The following ACBD6 variants were observed in gnomAD, a reference collection of about 807,000 sequenced individuals.
The protein encoded by ACBD6 is acyl-CoA-binding domain-containing protein 6.
ACBD6 carries 28 observed loss-of-function variants against 37.2 expected under a neutral mutation model. That is an observed-to-expected ratio of 0.75 (90% CI 0.56 to 1.03). The LOEUF (loss-of-function observed/expected upper bound fraction) is 1.03. Ranked by LOEUF, ACBD6 falls within the 50% of genes least tolerant of loss-of-function variation. ACBD6 has a pLI of 0.00. For missense variants in ACBD6, 340 were observed against 337.4 expected (o/e 1.01, Z -0.06); for synonymous variants, 113 against 126.8 (o/e 0.89, Z 0.73).
chr1:180,270,150 C>G (rs1383714870), exon 14 of ACBD6: 2 of 152,238 alleles, frequency 1.3e-5, no homozygotes, highest in Non-Finnish European at 2.9e-5. Flanking sequence ...AACACTGAAG[C>G]CAGGTCTGCT....
At chr1:180,358,003 G>A (rs1336450564) in intron 6 of ACBD6, among the ~76,000 whole-genome samples, 1 of 152,194 alleles carries the variant, frequency 6.6e-6, no homozygotes, top group Non-Finnish European at 1.5e-5. Flanking sequence ...CAGGGATAAA[G>A]TTGCCTAACA....
intron 12 of ACBD6, chr1:180,273,060 T>C (rs1648787739): frequency 6.6e-6 from 1 of 152,198 alleles, no homozygotes; most frequent in Non-Finnish European, 1.5e-5. Context: ...CCCCCCACCA[T>C]GTTTTTTCAT....
chr1:180,333,528 G>C (rs1191468310), intron 6 of ACBD6, among the ~76,000 whole-genome samples: 2 of 152,188 alleles, frequency 1.3e-5, no homozygotes, highest in Non-Finnish European at 2.9e-5. Context: ...ATATTTATCT[G>C]CAAGGATGTT....
intron 6 of ACBD6, among the ~76,000 whole-genome samples, chr1:180,381,016 G>C (rs887194383): frequency 6.6e-6 from 1 of 151,972 alleles, no homozygotes; most frequent in Admixed American, 6.6e-5. Context: ...AATATGAGAG[G>C]ATGAAAAAGA....
At chr1:180,474,564 G>C (rs1022781001) in intron 3 of ACBD6, among the ~76,000 whole-genome samples, 1 of 152,142 alleles carries the variant, frequency 6.6e-6, no homozygotes, top group Non-Finnish European at 1.5e-5. Flanking sequence ...CTGGCTATGG[G>C]CTGGGTTACT....
At chr1:180,432,358 TA>T (rs894145624) in intron 3 of ACBD6, among the ~76,000 whole-genome samples, 74 of 152,196 alleles carry the variant, frequency 4.9e-4, no homozygotes, top group African/African-American at 1.7e-3. Context: ...ACTTATCTAA[TA>T]AAAGACTGGT....
At chr1:180,481,857 T>C (rs1275420636) in intron 3 of ACBD6, among the ~76,000 whole-genome samples, 1 of 152,178 alleles carries the variant, frequency 6.6e-6, no homozygotes, top group Non-Finnish European at 1.5e-5. Context: ...CTGAACTTTG[T>C]AGGTGGTAAA....
intron 3 of ACBD6, among the ~76,000 whole-genome samples, chr1:180,432,097 C>T (rs751508983): frequency 6.6e-6 from 1 of 151,860 alleles, no homozygotes; most frequent in African/African-American, 2.4e-5. Context: ...GTACCAGCTA[C>T]CTAGGAGGCT....
chr1:180,418,411 C>A lies in ACBD6; in HGVS notation c.468-4940G>T, dbSNP rs367912352. Reference sequence around the variant, plus strand: ...TGGGCAACACAGCAAGACCCTACCTCTACAAAAAAAATTTCAAATTAGCTG... The same window carrying A: ...TGGGCAACACAGCAAGACCCTACCTATACAAAAAAAATTTCAAATTAGCTG... On this transcript the variant is annotated intron_variant, in intron 4 of 7. Coordinates refer to ENST00000367595, the MANE Select transcript of ACBD6 (RefSeq NM_032360.4). Among the ~76,000 whole-genome samples, 57 of 152,022 alleles carry A rather than the reference C, an allele frequency of 3.7e-4. No homozygotes were observed. In the South Asian group the frequency reaches 0.011, roughly 30 times the overall value.
chr1:180,305,327 G>C (rs867241150), intron 7 of ACBD6, among the ~76,000 whole-genome samples: 1 of 151,974 alleles, frequency 6.6e-6, no homozygotes, highest in South Asian at 2.1e-4. Flanking sequence ...TACGGAATGG[G>C]AGAAAATTTT....
intron 6 of ACBD6, among the ~76,000 whole-genome samples, chr1:180,318,175 C>CCCCAAAA (rs10632390): frequency 9.7e-6 from 1 of 102,750 alleles, no homozygotes; most frequent in Non-Finnish European, 2.1e-5. Flanking sequence ...CCCCCCCCCC[C>CCCCAAAA]AAAAAAAAAA....
intron 6 of ACBD6, among the ~76,000 whole-genome samples, chr1:180,345,808 C>T (rs1393016450): frequency 6.6e-6 from 1 of 152,006 alleles, no homozygotes; most frequent in African/African-American, 2.4e-5. Flanking sequence ...GTTTTAAAAA[C>T]CTACCACAAT....
intron 7 of ACBD6, among the ~76,000 whole-genome samples, chr1:180,298,650 A>C (rs1650011496): frequency 6.6e-6 from 1 of 152,242 alleles, no homozygotes; most frequent in Admixed American, 6.5e-5. Flanking sequence ...ATAATTCCCT[A>C]ACTTGACAGA....
At chr1:180,498,581 C>T (rs1244799068) in intron 1 of ACBD6, among the ~76,000 whole-genome samples, 7 of 152,100 alleles carry the variant, frequency 4.6e-5, no homozygotes, top group Non-Finnish European at 8.8e-5. Context: ...TATTAAGGCA[C>T]GGTGGCTCAT....
At chr1:180,483,463 T>G (rs1413782561) in intron 3 of ACBD6, among the ~76,000 whole-genome samples, 2 of 152,174 alleles carry the variant, frequency 1.3e-5, no homozygotes, top group African/African-American at 4.8e-5. Context: ...TGTCCGACTG[T>G]AAGCTTCCTA....
intron 5 of ACBD6, among the ~76,000 whole-genome samples, chr1:180,401,512 G>C (rs543682011): frequency 6.6e-6 from 1 of 151,876 alleles, no homozygotes; most frequent in African/African-American, 2.4e-5. Context: ...GGCCAGGCGC[G>C]GTGGCTTACA....
intron 7 of ACBD6, among the ~76,000 whole-genome samples, chr1:180,307,988 C>G (rs1006186571): frequency 6.6e-6 from 1 of 152,132 alleles, no homozygotes; most frequent in African/African-American, 2.4e-5. Flanking sequence ...ATGCTGAACT[C>G]TCTTGTTCCA....
intron 3 of ACBD6, chr1:180,436,003 T>G (rs889840275): frequency 1.2e-6 from 1 of 850,592 alleles, no homozygotes; most frequent in Non-Finnish European, 2.0e-6. Context: ...CCTTCAGAAT[T>G]TACTGTATCG....
At chr1:180,303,361 A>C (rs1650214039) in intron 7 of ACBD6, among the ~76,000 whole-genome samples, 1 of 151,138 alleles carries the variant, frequency 6.6e-6, no homozygotes, top group Admixed American at 6.6e-5. Flanking sequence ...ACTGCTAGCA[A>C]GACTAATAAA....
Sources: gnomAD v4.1 joint callset for allele counts (sites outside exome capture counted in the v4.1 genomes callset) on GRCh38, gnomAD v4.1.1 for gene constraint, MANE v1.5 for transcripts, NCBI Gene and HGNC (gene_info 2026-07-23, HGNC 2026-07-21) for gene names.